Variants in RAB2A observed in about 807,000 individuals in gnomAD.
RAB2A encodes ras-related protein Rab-2A.
Under a neutral mutation model 32.5 loss-of-function variants are expected in RAB2A, and 7 were observed. That is an observed-to-expected ratio of 0.22 (90% CI 0.12 to 0.40). The LOEUF (loss-of-function observed/expected upper bound fraction) is 0.40, where lower values mean the gene tolerates loss of function less well. RAB2A is among the 10% of genes least tolerant of loss of function. The pLI, the probability that RAB2A is intolerant of heterozygous loss-of-function variation, is 1.00. For synonymous variants in RAB2A, 79 were observed against 85.2 expected (o/e 0.93, Z 0.40); for missense variants, 108 against 260.7 (o/e 0.41, Z 4.03).
intron 1 of RAB2A, among the ~76,000 whole-genome samples, chr8:60,523,422 G>A (rs887575550): frequency 2.6e-5 from 4 of 151,268 alleles, no homozygotes; most frequent in Admixed American, 1.3e-4. Context: ...CTCCCAAAAT[G>A]CTGGGATTAC....
intron 6 of RAB2A, among the ~76,000 whole-genome samples, chr8:60,615,006 T>C (rs974202486): frequency 2.0e-5 from 3 of 152,238 alleles, no homozygotes; most frequent in Non-Finnish European, 4.4e-5. Context: ...AGACATTGCT[T>C]GTTTCATGGT....
At chr8:60,593,526 T>A (rs1803974358) in intron 6 of RAB2A, among the ~76,000 whole-genome samples, 1 of 151,698 alleles carries the variant, frequency 6.6e-6, no homozygotes, top group Admixed American at 6.6e-5. Context: ...ACAGAAAAAA[T>A]TGTGGCTCTG....
At chr8:60,556,899 C>G (rs1470468072) in intron 1 of RAB2A, among the ~76,000 whole-genome samples, 2 of 152,032 alleles carry the variant, frequency 1.3e-5, no homozygotes, top group Non-Finnish European at 1.5e-5. Flanking sequence ...TATATTTTTT[C>G]TATACCATAT....
chr8:60,560,326 C>T (rs897169088), intron 2 of RAB2A, among the ~76,000 whole-genome samples: 2 of 152,132 alleles, frequency 1.3e-5, no homozygotes, highest in African/African-American at 2.4e-5. Context: ...TGGGCTCAGG[C>T]GATCTGCCGG....
chr8:60,610,225 T>G (rs1471585228), intron 6 of RAB2A, among the ~76,000 whole-genome samples: 1 of 151,512 alleles, frequency 6.6e-6, no homozygotes, highest in Non-Finnish European at 1.5e-5. Context: ...TAAGACAGAT[T>G]GCAGTAACCC....
At chr8:60,558,712 G>T in intron 1 of RAB2A, 140 bp from the exon 2 acceptor site, 1 of 720,548 alleles carries the variant, frequency 1.4e-6, no homozygotes, top group Non-Finnish European at 2.4e-6. Context: ...TATTTTGCAA[G>T]AAATTAGAGT....
chr8:60,584,409 A>G, intron 4 of RAB2A, 119 bp downstream of exon 4: 1 of 818,404 alleles, frequency 1.2e-6, no homozygotes, highest in Non-Finnish European at 2.0e-6. Context: ...CACCTTTAAA[A>G]CTGCATCTTG....
intron 1 of RAB2A, among the ~76,000 whole-genome samples, chr8:60,526,893 C>T (rs1376541149): frequency 2.0e-5 from 3 of 149,174 alleles, no homozygotes; most frequent in Non-Finnish European, 3.0e-5. Context: ...CATTTGAACC[C>T]GGGAGGGAGA....
chr8:60,567,574 C>T (rs1443785051), intron 2 of RAB2A, among the ~76,000 whole-genome samples: 1 of 152,050 alleles, frequency 6.6e-6, no homozygotes, highest in African/African-American at 2.4e-5. Flanking sequence ...TTATTCAATA[C>T]ATGGGCTAAT....
chr8:60,617,832 A>T (rs1345701589), intron 6 of RAB2A, among the ~76,000 whole-genome samples: 4 of 152,208 alleles, frequency 2.6e-5, no homozygotes, highest in Non-Finnish European at 5.9e-5. Flanking sequence ...AGAACATTTT[A>T]GTTACCCCAA....
intron 6 of RAB2A, among the ~76,000 whole-genome samples, chr8:60,601,946 G>C (rs926051207): frequency 6.6e-6 from 1 of 152,102 alleles, no homozygotes; most frequent in Non-Finnish European, 1.5e-5. Context: ...GGGGTACTGT[G>C]GTTTGAACTG....
chr8:60,571,552 G>A (rs1043819409), intron 2 of RAB2A, among the ~76,000 whole-genome samples: 1 of 152,118 alleles, frequency 6.6e-6, no homozygotes, highest in Non-Finnish European at 1.5e-5. Context: ...GCACTGTCTG[G>A]GAAGTATGTT....
chr8:60,605,161 C>T lies in RAB2A; in HGVS notation c.474+13192C>T, dbSNP rs551282805. On this transcript the variant is annotated intron_variant, in intron 6 of 7. Transcript: ENST00000262646. Reference sequence around the variant, plus strand: ...AGCTCAAAGGGGCCCAGGAAGAGCTCGGGACACTGTTTCAGAGGGTGCTAG... The same window carrying T: ...AGCTCAAAGGGGCCCAGGAAGAGCTTGGGACACTGTTTCAGAGGGTGCTAG... Among the ~76,000 whole-genome samples, 14 of 152,252 alleles carry T rather than the reference C, an allele frequency of 9.2e-5. No individual in the cohort carries two copies. The East Asian group carries it at 1.2e-3, about 13-fold the overall frequency.
chr8:60,584,916 C>T, intron 5 of RAB2A, 101 bp downstream of exon 5: 1 of 762,726 alleles, frequency 1.3e-6, no homozygotes, highest in Non-Finnish European at 1.9e-6. Context: ...AGTTACCAGC[C>T]TCTTAAATTA....
At chr8:60,559,318 T>C (rs1807985274) in intron 2 of RAB2A, 2 of 199,164 alleles carry the variant, frequency 1.0e-5, no homozygotes, top group Non-Finnish European at 2.1e-5. Context: ...TTCTGTTCAA[T>C]GAGAGTAGTA....
chr8:60,541,667 C>A (rs369504155), intron 1 of RAB2A, among the ~76,000 whole-genome samples: 1 of 152,156 alleles, frequency 6.6e-6, no homozygotes, highest in South Asian at 2.1e-4. Flanking sequence ...CCAGACTGGG[C>A]GACGAGCACA....
At chr8:60,544,550 GC>G in intron 1 of RAB2A, among the ~76,000 whole-genome samples, 1 of 115,736 alleles carries the variant, frequency 8.6e-6, no homozygotes, top group Non-Finnish European at 1.7e-5. Context: ...TTTCCCTAGT[GC>G]CTTTTTTTTT....
At chr8:60,617,780 T>C (rs950158725) in intron 6 of RAB2A, among the ~76,000 whole-genome samples, 37 of 152,280 alleles carry the variant, frequency 2.4e-4, no homozygotes, top group Non-Finnish European at 1.8e-4. Flanking sequence ...TGGTTTTTAG[T>C]CTATTCACAA....
At chr8:60,608,289 C>T (rs996884431) in intron 6 of RAB2A, among the ~76,000 whole-genome samples, 1 of 151,904 alleles carries the variant, frequency 6.6e-6, no homozygotes, top group African/African-American at 2.4e-5. Flanking sequence ...ACTGTATAGG[C>T]GCCCAAAAAG....
Sources: gnomAD v4.1 joint callset for allele counts (sites outside exome capture counted in the v4.1 genomes callset) on GRCh38, gnomAD v4.1.1 for gene constraint, MANE v1.5 for transcripts, NCBI Gene and HGNC (gene_info 2026-07-23, HGNC 2026-07-21) for gene names.